NEGR1: variants seen among roughly 807,000 people sequenced by gnomAD.
The protein encoded by NEGR1 is neuronal growth regulator 1.
Under a neutral mutation model 40.9 loss-of-function variants are expected in NEGR1, and 10 were observed. The observed-to-expected ratio is 0.24, with a 90% CI of 0.15 to 0.42. The LOEUF is 0.42. Among genes scored for constraint, NEGR1 ranks in the 10% least tolerant of loss-of-function variants. NEGR1 has a pLI of 1.00. For missense variants in NEGR1, 352 were observed against 438.9 expected (o/e 0.80, Z 1.77); for synonymous variants, 185 against 166.8 (o/e 1.11, Z -0.84).
At chr1:71,999,367 G>A (rs1172286247) in intron 1 of NEGR1, among the ~76,000 whole-genome samples, 1 of 151,390 alleles carries the variant, frequency 6.6e-6, no homozygotes, top group Non-Finnish European at 1.5e-5. Flanking sequence ...TATTTTTCAA[G>A]GTAATTGAAA....
At chr1:71,583,593 TA>T (rs1649206834) in intron 6 of NEGR1, among the ~76,000 whole-genome samples, 1 of 152,238 alleles carries the variant, frequency 6.6e-6, no homozygotes, top group South Asian at 2.1e-4. Flanking sequence ...AGTTTGATTA[TA>T]GTTATTATCT....
chr1:71,834,887 TCACA>T (rs10524992), intron 2 of NEGR1, among the ~76,000 whole-genome samples: 10 of 146,234 alleles, frequency 6.8e-5, no homozygotes, highest in Admixed American at 4.7e-4. Flanking sequence ...TTTTAGGAGA[TCACA>T]CACACACACA....
chr1:72,161,520 G>A (rs1007454460), intron 1 of NEGR1, among the ~76,000 whole-genome samples: 2 of 152,152 alleles, frequency 1.3e-5, no homozygotes, highest in Admixed American at 1.3e-4. Flanking sequence ...ATCCTACAAT[G>A]TACGGGTAGG....
At chr1:71,449,457 C>T (rs958372248) in intron 6 of NEGR1, among the ~76,000 whole-genome samples, 1 of 152,142 alleles carries the variant, frequency 6.6e-6, no homozygotes, top group Non-Finnish European at 1.5e-5. Context: ...CTGAAGCTAC[C>T]TCTAAGTTTT....
intron 4 of NEGR1, among the ~76,000 whole-genome samples, chr1:71,680,998 G>A (rs927541614): frequency 1.3e-5 from 2 of 152,158 alleles, no homozygotes; most frequent in African/African-American, 4.8e-5. Context: ...TGTAAATAAG[G>A]CTGTGGGTCC....
intron 6 of NEGR1, among the ~76,000 whole-genome samples, chr1:71,528,224 T>G (rs1647251087): frequency 6.6e-6 from 1 of 151,364 alleles, no homozygotes; most frequent in African/African-American, 2.4e-5. Context: ...GGTACTCCCA[T>G]TTCTTGCTAA....
chr1:72,023,003 A>G (rs1412586250), intron 1 of NEGR1, among the ~76,000 whole-genome samples: 1 of 152,224 alleles, frequency 6.6e-6, no homozygotes, highest in Non-Finnish European at 1.5e-5. Flanking sequence ...CATTTCTACA[A>G]ATCACTGCAT....
intron 3 of NEGR1, among the ~76,000 whole-genome samples, chr1:71,723,446 G>C (rs1654575223): frequency 6.6e-6 from 1 of 151,998 alleles, no homozygotes; most frequent in African/African-American, 2.4e-5. Flanking sequence ...AAAGGGCAAG[G>C]GGCTAGAGAA....
intron 1 of NEGR1, among the ~76,000 whole-genome samples, chr1:71,947,658 C>T (rs1314127697): frequency 6.6e-6 from 1 of 151,996 alleles, no homozygotes; most frequent in Non-Finnish European, 1.5e-5. Context: ...AACTTTGGGC[C>T]GTGGCCCATG....
intron 2 of NEGR1, among the ~76,000 whole-genome samples, chr1:71,791,669 A>G (rs997820864): frequency 3.9e-5 from 6 of 152,134 alleles, no homozygotes; most frequent in African/African-American, 9.7e-5. Flanking sequence ...GCCCTTAAAA[A>G]GTCTAGAATG....
chr1:72,150,341 G>C (rs923492659), intron 1 of NEGR1, among the ~76,000 whole-genome samples: 1 of 152,116 alleles, frequency 6.6e-6, no homozygotes. Flanking sequence ...AGAAAATCTG[G>C]TTGAGATTTC....
intron 1 of NEGR1, among the ~76,000 whole-genome samples, chr1:72,076,144 T>C (rs193103780): frequency 2.4e-4 from 36 of 152,294 alleles, no homozygotes; most frequent in African/African-American, 8.4e-4. Context: ...CCATATGCAA[T>C]GGACTGAATA....
intron 2 of NEGR1, among the ~76,000 whole-genome samples, chr1:71,814,963 G>A (rs780266185): frequency 5.9e-5 from 9 of 151,972 alleles, no homozygotes; most frequent in Non-Finnish European, 1.3e-4. Flanking sequence ...AAGTTTGTTT[G>A]CTCTTGGTTC....
intron 5 of NEGR1, among the ~76,000 whole-genome samples, chr1:71,601,421 A>C (rs943196746): frequency 6.6e-6 from 1 of 152,140 alleles, no homozygotes; most frequent in Non-Finnish European, 1.5e-5. Flanking sequence ...GATGTCTCAA[A>C]TAAATAAAAG....
chr1:72,095,650 T>C (rs1648669182), intron 1 of NEGR1, among the ~76,000 whole-genome samples: 2 of 151,132 alleles, frequency 1.3e-5, no homozygotes, highest in Admixed American at 6.6e-5. Context: ...TACATATATA[T>C]ATTTTTTTAA....
At chr1:71,621,787 A>G (rs1301370412) in intron 4 of NEGR1, among the ~76,000 whole-genome samples, 1 of 151,878 alleles carries the variant, frequency 6.6e-6, no homozygotes, top group African/African-American at 2.4e-5. Flanking sequence ...ATGTTATTAT[A>G]TTCAACTTTT....
At chr1:71,748,996 G>A (rs1466439991) in intron 3 of NEGR1, among the ~76,000 whole-genome samples, 1 of 152,108 alleles carries the variant, frequency 6.6e-6, no homozygotes, top group Non-Finnish European at 1.5e-5. Flanking sequence ...TAAGATCATA[G>A]TATTTTTGTT....
chr1:72,129,081 T>C lies in NEGR1; in HGVS notation c.176+153238A>G, dbSNP rs549545854. On this transcript the variant is annotated intron_variant, in intron 1 of 6. Transcript: ENST00000357731. The stretch of plus-strand genomic sequence containing the variant: ...ACTTGAACTACACCACTGGCTTTCC[T>C]AGGTTTCCGGCTCACAGATGTCAGA... Among the ~76,000 whole-genome samples, 17 of 152,250 alleles carry C rather than the reference T, an allele frequency of 1.1e-4. No homozygotes were observed. The South Asian group carries it at 3.3e-3, about 30-fold the overall frequency.
intron 6 of NEGR1, among the ~76,000 whole-genome samples, chr1:71,568,070 A>G (rs1347815542): frequency 6.6e-6 from 1 of 152,236 alleles, no homozygotes; most frequent in Non-Finnish European, 1.5e-5. Context: ...TGCAATGTAT[A>G]AGTTCAAAGA....
Sources: gnomAD v4.1 joint callset for allele counts (sites outside exome capture counted in the v4.1 genomes callset) on GRCh38, gnomAD v4.1.1 for gene constraint, MANE v1.5 for transcripts, NCBI Gene and HGNC (gene_info 2026-07-23, HGNC 2026-07-21) for gene names.